The following KIAA1143 variants were observed in gnomAD, a reference collection of about 807,000 sequenced individuals.
KIAA1143 encodes the protein KIAA1143.
A neutral mutation model predicts 17.0 loss-of-function variants in KIAA1143; 8 were observed. The observed-to-expected ratio is 0.47, with a 90% confidence interval of 0.28 to 0.85. KIAA1143 has a LOEUF of 0.85. Among genes scored for constraint, KIAA1143 ranks in the 40% least tolerant of loss-of-function variants. The pLI, the probability that KIAA1143 is intolerant of heterozygous loss-of-function variation, is 0.12. For missense variants in KIAA1143, 162 were observed against 183.3 expected, an observed-to-expected ratio of 0.88 and a Z score of 0.67; for synonymous variants, 64 against 67.8, an observed-to-expected ratio of 0.94 and a Z score of 0.27.
intron 1 of KIAA1143, 94 bp from the exon 2 acceptor site, chr3:44,754,462 G>A: frequency 2.5e-6 from 3 of 1,190,590 alleles, no homozygotes; most frequent in Non-Finnish European, 3.6e-6. Context: ...TTATGAGAAG[G>A]GTATCTTTAT....
chr3:44,759,146 G>A (rs1228585889), intron 1 of KIAA1143, among the ~76,000 whole-genome samples: 5 of 152,126 alleles, frequency 3.3e-5, no homozygotes, highest in African/African-American at 1.2e-4. Context: ...TTACAAGTGT[G>A]AGCCATTGCG....
At chr3:44,760,500 C>T (rs933781583) in intron 1 of KIAA1143, among the ~76,000 whole-genome samples, 1 of 152,102 alleles carries the variant, frequency 6.6e-6, no homozygotes, top group Non-Finnish European at 1.5e-5. Context: ...CGCCATTCTC[C>T]TGCCTCAGCC....
intron 1 of KIAA1143, among the ~76,000 whole-genome samples, chr3:44,754,694 G>C (rs1428533743): frequency 6.6e-6 from 1 of 152,132 alleles, no homozygotes; most frequent in Non-Finnish European, 1.5e-5. Context: ...CATGTCAGTT[G>C]TTTGCTCCTC....
Position 44,753,513 on chromosome 3 carries a change from C to T in KIAA1143, c.293G>A (p.Arg98Gln), listed in dbSNP as rs769338249. 48 of 1,612,302 alleles carry T rather than the reference C, an allele frequency of 3.0e-5. No homozygotes were observed. Among genetic ancestry groups the T allele is most frequent in the Middle Eastern group, 1.6e-4 (1 of 6,076 alleles). ...ATCTGAGGGATGCTTGACTGGTTTT[C>T]GATATATGATTCTTCCATCGGCTGG... is the stretch of plus-strand genomic sequence containing the variant. ...PTPADGRIIY[R>Q]KPVKHPSDEK... Residue 98 changes from arginine (R) to glutamine (Q), a missense_variant, in exon 3 of 3, where the codon CGA becomes CAA. By Grantham distance (43) the Arg-to-Gln change is conservative. This residue lies in a region of KIAA1143 where 137 missense variants were observed against 132.5 expected (regional missense o/e 1.03). Coordinates refer to ENST00000296121, the MANE Select transcript of KIAA1143 (RefSeq NM_020696.4).
rs1451557219 is a variant in KIAA1143 at position 44,752,657 on chromosome 3, TGCCTAAAAGTG to T, written c.*673_*683del. 7 of 151,922 alleles carry T rather than the reference TGCCTAAAAGTG, an allele frequency of 4.6e-5. No homozygotes were observed. Among genetic ancestry groups the T allele is most frequent in the Non-Finnish European group, 8.8e-5 (6 of 67,986 alleles). 9.4% of individuals were successfully genotyped at this position (151,922 alleles called of 1,614,324 possible). A position where few individuals can be genotyped will look rare whatever the true frequency, so the allele number is the denominator to read the frequency against. ...CCAAAGCACATGGCTGCCTTCCTTA[TGCCTAAAAGTG>T]GCTCTGGTACTCAGGTTTTATCTCT... On this transcript the variant is annotated 3_prime_UTR_variant, in exon 3 of 3. Transcript: ENST00000296121.
chr3:44,754,205 A>G lies in KIAA1143; in HGVS notation c.253+19T>C, dbSNP rs199719836. 147 of 1,610,130 alleles carry G rather than the reference A, an allele frequency of 9.1e-5. No individual in the cohort carries two copies. The highest frequency in any genetic ancestry group is 1.1e-4 in the Non-Finnish European group (127 of 1,179,038). On this transcript the variant is annotated intron_variant, in intron 2 of 2. Coordinates refer to ENST00000296121, the MANE Select transcript of KIAA1143 (RefSeq NM_020696.4). ...GGCTCCTTAAATTGTTAGAAAAACC[A>G]GATTACTTTTAGACCTACCTGCTTT...
intron 2 of KIAA1143, 109 bp downstream of exon 2, chr3:44,754,115 G>GAACCCGGAACTGCCACCTTGA: frequency 1.8e-6 from 2 of 1,117,454 alleles, no homozygotes; most frequent in Non-Finnish European, 2.6e-6. Context: ...GCTAAGGCTT[G>GAACCCGGAACTGCCACCTTGA]AACCCGGAAC....
chr3:44,754,573 C>T (rs956794502), intron 1 of KIAA1143, among the ~76,000 whole-genome samples: 1 of 152,134 alleles, frequency 6.6e-6, no homozygotes, highest in African/African-American at 2.4e-5. Context: ...AGTGCCTGTC[C>T]GGTGGGATTC....
rs1704891454 is a variant in KIAA1143 at position 44,751,435 on chromosome 3, T to G, written c.*1906A>C. The G allele has an allele frequency of 6.6e-6, 1 of 152,194 alleles. No individual in the cohort carries two copies. The highest frequency in any genetic ancestry group is 1.5e-5 in the Non-Finnish European group (1 of 68,052). 9.4% of individuals were successfully genotyped at this position (152,194 alleles called of 1,614,324 possible). Reference sequence around the variant, plus strand: ...GCTCAAAGTATTGTCACCTTACAAATTCGGATAGGCTCCTTGGCAGTGGTC... The same window carrying G: ...GCTCAAAGTATTGTCACCTTACAAAGTCGGATAGGCTCCTTGGCAGTGGTC... On this transcript the variant is annotated 3_prime_UTR_variant, in exon 3 of 3. Coordinates refer to ENST00000296121, the MANE Select transcript of KIAA1143 (RefSeq NM_020696.4).
chr3:44,760,048 T>C (rs889425507), intron 1 of KIAA1143, among the ~76,000 whole-genome samples: 12 of 152,302 alleles, frequency 7.9e-5, no homozygotes, highest in Admixed American at 2.6e-4. Flanking sequence ...TTTTATGTTA[T>C]GGAGATGGCT....
At chr3:44,753,579 C>T (rs1222516950) in intron 2 of KIAA1143, 27 bp from the exon 3 acceptor site, 1 of 1,585,280 alleles carries the variant, frequency 6.3e-7, no homozygotes, top group Non-Finnish European at 8.6e-7. Context: ...TTTTTAAGAA[C>T]TTTCTTCTCC....
intron 1 of KIAA1143, 90 bp downstream of exon 1, chr3:44,761,405 C>T (rs1285539894): frequency 3.1e-6 from 3 of 974,324 alleles, no homozygotes; most frequent in East Asian, 5.1e-5. Flanking sequence ...AAAAGAGGGA[C>T]CCGACAGCAC....
rs1454734184 is a variant in KIAA1143 at position 44,751,999 on chromosome 3, G to A, written c.*1342C>T. On this transcript the variant is annotated 3_prime_UTR_variant, in exon 3 of 3. Transcript: ENST00000296121. Reference sequence around the variant, plus strand: ...CGTCTCTCAGGGGGAAAATGAGGCAGGAGAATAGGGTCTGGAGACAGGGAA... The same window carrying A: ...CGTCTCTCAGGGGGAAAATGAGGCAAGAGAATAGGGTCTGGAGACAGGGAA... 6.6e-6 allele frequency: 1 copy of A among 152,098 alleles called. No individual in the cohort carries two copies. Among genetic ancestry groups the A allele is most frequent in the Non-Finnish European group, 1.5e-5 (1 of 68,030 alleles). The allele number at this position is 152,098 out of a possible 1,614,324, so 9.4% of individuals were successfully genotyped here. A position where few individuals can be genotyped will look rare whatever the true frequency, so the allele number is the denominator to read the frequency against.
rs1455784687 is a variant in KIAA1143 at position 44,761,490 on chromosome 3, C to T, written c.108+5G>A. On this transcript the variant is annotated splice_donor_5th_base_variant and intron_variant, in intron 1 of 2. Transcript: ENST00000296121. Reference sequence around the variant, plus strand: ...TCCGAAGAAACACGACTGGCGAAGGCTCACCTTAGTCTCTACGGTGGGTCC... The same window carrying T: ...TCCGAAGAAACACGACTGGCGAAGGTTCACCTTAGTCTCTACGGTGGGTCC... The T allele has an allele frequency of 1.1e-5, 17 of 1,607,830 alleles. No individual in the cohort carries two copies. The highest frequency in any genetic ancestry group is 1.4e-5 in the Non-Finnish European group (16 of 1,176,266).
chr3:44,755,069 AC>A (rs1704949854), intron 1 of KIAA1143, among the ~76,000 whole-genome samples: 7 of 152,276 alleles, frequency 4.6e-5, no homozygotes, highest in Admixed American at 6.5e-5. Context: ...AATGTGAGAC[AC>A]CGTAAGAGCC....
chr3:44,757,582 G>T (rs563394898), intron 1 of KIAA1143, among the ~76,000 whole-genome samples: 2 of 152,272 alleles, frequency 1.3e-5, no homozygotes, highest in Admixed American at 6.5e-5. Context: ...AAATACGGAA[G>T]GATTAAGATA....
chr3:44,757,187 G>A (rs1052084279), intron 1 of KIAA1143, among the ~76,000 whole-genome samples: 2 of 152,174 alleles, frequency 1.3e-5, no homozygotes, highest in Non-Finnish European at 2.9e-5. Flanking sequence ...AGGTAAAGCT[G>A]GGTCTCATCT....
At chr3:44,759,894 C>CAAAAAAAAAGAAA (rs1705040342) in intron 1 of KIAA1143, among the ~76,000 whole-genome samples, 1 of 51,102 alleles carries the variant, frequency 2.0e-5, no homozygotes, top group Non-Finnish European at 3.7e-5. Context: ...GACCCTATCT[C>CAAAAAAAAAGAAA]AAAAAAAAAA....
At position 44,761,589 on chromosome 3, in the gene KIAA1143, T is replaced by C. The variant is rs924667163; in HGVS notation, c.14A>G (p.Asn5Ser). MSKR[N>S]QVSYVRPAEP... Reference sequence around the variant, plus strand: ...GGCTGGCCGCACGTACGATACCTGGTTCCGCTTGCTCATGGTAGCTCTGGG... The same window carrying C: ...GGCTGGCCGCACGTACGATACCTGGCTCCGCTTGCTCATGGTAGCTCTGGG... Residue 5 changes from asparagine to serine, a missense_variant, in exon 1 of 3, where the codon AAC becomes AGC. Coordinates refer to ENST00000296121, the MANE Select transcript of KIAA1143 (RefSeq NM_020696.4). The C allele has an allele frequency of 9.9e-6, 16 of 1,609,600 alleles. No individual in the cohort carries two copies. The highest frequency in any genetic ancestry group is 4.5e-5 in the East Asian group (2 of 44,466).
Sources: gnomAD v4.1 joint callset for allele counts (sites outside exome capture counted in the v4.1 genomes callset) on GRCh38, gnomAD v4.1.1 for gene constraint, gnomAD v4.1.1 regional missense constraint, MANE v1.5 for transcripts, NCBI Gene and HGNC (gene_info 2026-07-23, HGNC 2026-07-21) for gene names.